The following ACAD9 variants were observed in gnomAD, a reference collection of about 807,000 sequenced individuals.
ACAD9 encodes acyl-CoA dehydrogenase family member 9.
A neutral mutation model predicts 70.2 loss-of-function variants in ACAD9; 53 were observed. The observed-to-expected ratio is 0.75, with a 90% confidence interval of 0.61 to 0.95. The LOEUF is 0.95. ACAD9 is among the 40% of genes least tolerant of loss of function. The probability of loss-of-function intolerance (pLI) is 0.00; values close to 1 mark genes in which losing one functional copy is unlikely to be tolerated. For missense variants in ACAD9, 777 were observed against 802.8 expected, an observed-to-expected ratio of 0.97 and a Z score of 0.39; for synonymous variants, 313 against 312.1, an observed-to-expected ratio of 1.00 and a Z score of -0.03.
At chr3:128,885,936 G>A (rs1466252014) in intron 2 of ACAD9, among the ~76,000 whole-genome samples, 2 of 151,598 alleles carry the variant, frequency 1.3e-5, no homozygotes, top group African/African-American at 4.8e-5. Flanking sequence ...CGAATTGCTT[G>A]AACCCAGGAG....
At chr3:128,896,652 T>C (rs772880615) in intron 5 of ACAD9, 116 bp downstream of exon 5, 5 of 1,013,198 alleles carry the variant, frequency 4.9e-6, no homozygotes, top group Admixed American at 2.0e-5. Context: ...TCCAAAATCT[T>C]GCAAAGAATC....
chr3:128,888,814 A>G (rs1199866403), intron 2 of ACAD9, among the ~76,000 whole-genome samples: 1 of 150,560 alleles, frequency 6.6e-6, no homozygotes, highest in Non-Finnish European at 1.5e-5. Context: ...TTTTTTTCCT[A>G]GTGTTTATCT....
chr3:128,880,091 A>G (rs1286240550), intron 1 of ACAD9: 2 of 1,416,144 alleles, frequency 1.4e-6, no homozygotes, highest in East Asian at 2.7e-5. Context: ...TGTCAGGGGA[A>G]TTCGGAAAAC....
rs1306080976 is a variant in ACAD9, at chr3:128,879,844, A to C, written c.150+3A>C. 6.2e-7 allele frequency: 1 copy of C among 1,614,032 alleles called. No homozygotes were observed. The highest frequency in any genetic ancestry group is 1.3e-5 in the African/African-American group (1 of 75,050). On this transcript the variant is annotated splice_donor_region_variant and intron_variant, in intron 1 of 17. Transcript: ENST00000308982. The stretch of plus-strand genomic sequence containing the variant: ...TTTTCCTAGGCAAAATCAAGAAGGT[A>C]ACGCGAGCCCTGGGCGAACCCTTGC...
intron 1 of ACAD9, among the ~76,000 whole-genome samples, chr3:128,883,368 CT>C (rs796190122): frequency 1.0e-4 from 15 of 147,174 alleles, no homozygotes; most frequent in Admixed American, 7.5e-4. Context: ...TTTTTCTTTT[CT>C]TTTTTTTTTA....
At chr3:128,879,933 A>C in intron 1 of ACAD9, 92 bp downstream of exon 1, 2 of 1,599,274 alleles carry the variant, frequency 1.3e-6, no homozygotes, top group Non-Finnish European at 1.7e-6. Flanking sequence ...AGATTCCCCA[A>C]ACCTGCCAGA....
At chr3:128,888,424 T>C (rs939476811) in intron 2 of ACAD9, among the ~76,000 whole-genome samples, 1 of 151,920 alleles carries the variant, frequency 6.6e-6, no homozygotes, top group African/African-American at 2.4e-5. Flanking sequence ...ACTAAAAATA[T>C]AAAAATTAAC....
intron 2 of ACAD9, among the ~76,000 whole-genome samples, chr3:128,892,238 TTATA>T (rs2107647778): frequency 6.6e-6 from 1 of 152,298 alleles, no homozygotes; most frequent in South Asian, 2.1e-4. Context: ...ACTCAACAAA[TTATA>T]TATTATAAAT....
intron 17 of ACAD9, 96 bp downstream of exon 17, chr3:128,910,909 TGCTA>T: frequency 1.4e-6 from 2 of 1,418,802 alleles, no homozygotes; most frequent in African/African-American, 2.8e-5. Context: ...TCCCAGAGCC[TGCTA>T]GCTACTCACA....
At chr3:128,885,503 A>T (rs1485955818) in intron 2 of ACAD9, among the ~76,000 whole-genome samples, 6 of 152,056 alleles carry the variant, frequency 3.9e-5, no homozygotes, top group African/African-American at 1.4e-4. Context: ...ACAGTCCCCC[A>T]ACTTCAGCCT....
chr3:128,893,787 T>C (rs1935489949), intron 3 of ACAD9, 131 bp downstream of exon 3: 3 of 760,210 alleles, frequency 3.9e-6, no homozygotes, highest in Non-Finnish European at 6.9e-6. Flanking sequence ...GTGGACTGAC[T>C]GAAGGACCTG....
intron 2 of ACAD9, among the ~76,000 whole-genome samples, chr3:128,886,918 C>T (rs1277137696): frequency 6.7e-6 from 1 of 150,084 alleles, no homozygotes; most frequent in African/African-American, 2.5e-5. Flanking sequence ...TTATAATCTT[C>T]AGACATGCTT....
chr3:128,886,790 T>C lies in ACAD9; in HGVS notation c.244+2044T>C, dbSNP rs1003753772. 2.0e-5 allele frequency among the ~76,000 whole-genome samples: 3 copies of C among 150,624 alleles called. No individual in the cohort carries two copies. In the East Asian group the frequency reaches 5.9e-4, roughly 29 times the overall value. ...AAAGAGTGACATTGGTTGAAAGTTA[T>C]GCAAGTCCTTTTAATGTTTGGCTTA... On this transcript the variant is annotated intron_variant, in intron 2 of 17. Transcript: ENST00000308982.
chr3:128,908,927 C>T (rs1401547820), intron 13 of ACAD9, 46 bp from the exon 14 acceptor site: 8 of 1,613,502 alleles, frequency 5.0e-6, no homozygotes, highest in South Asian at 4.4e-5. Context: ...GGACAGTGAG[C>T]GCCAGCAGCG....
At chr3:128,896,995 T>C (rs572132901) in intron 5 of ACAD9, among the ~76,000 whole-genome samples, 36 of 152,280 alleles carry the variant, frequency 2.4e-4, no homozygotes, top group African/African-American at 7.9e-4. Flanking sequence ...TCACTTTGCA[T>C]GAGAACCTGG....
intron 12 of ACAD9, among the ~76,000 whole-genome samples, chr3:128,907,229 G>A (rs965263962): frequency 6.6e-6 from 1 of 152,136 alleles, no homozygotes; most frequent in Admixed American, 6.5e-5. Context: ...CCCAGTGGGA[G>A]GCCTCCTTGG....
intron 5 of ACAD9, among the ~76,000 whole-genome samples, chr3:128,897,073 C>T (rs1217811786): frequency 6.6e-6 from 1 of 152,242 alleles, no homozygotes; most frequent in Non-Finnish European, 1.5e-5. Context: ...CCATTGCAAG[C>T]ACCCATTTCC....
intron 6 of ACAD9, chr3:128,898,504 C>T (rs1167431726): frequency 4.9e-6 from 2 of 407,964 alleles, no homozygotes; most frequent in Admixed American, 5.5e-5. Context: ...TTCCTGGGCT[C>T]AGGTGATTCT....
intron 17 of ACAD9, among the ~76,000 whole-genome samples, chr3:128,911,861 A>C (rs1936364310): frequency 6.6e-6 from 1 of 152,152 alleles, no homozygotes; most frequent in African/African-American, 2.4e-5. Context: ...ATCCAAAATG[A>C]CCCTGCAGTG....
Sources: allele counts gnomAD v4.1 joint callset (sites outside exome capture counted in the v4.1 genomes callset), GRCh38; gene constraint gnomAD v4.1.1; transcripts MANE v1.5; gene names NCBI Gene and HGNC (gene_info 2026-07-23, HGNC 2026-07-21).